Variants in CMTM7 observed in about 807,000 individuals in gnomAD.
CMTM7 encodes the protein CKLF like MARVEL transmembrane domain containing 7.
CMTM7 carries 7 observed loss-of-function variants against 19.3 expected under a neutral mutation model. That is an observed-to-expected ratio of 0.36 (90% CI 0.21 to 0.68). The LOEUF is 0.68. Ranked by LOEUF, CMTM7 falls within the 30% of genes least tolerant of loss-of-function variation. The probability of loss-of-function intolerance (pLI) is 0.60; values close to 1 mark genes in which losing one functional copy is unlikely to be tolerated. For synonymous variants in CMTM7, 87 were observed against 99.3 expected (o/e 0.88, Z 0.74); for missense variants, 193 against 232.6 (o/e 0.83, Z 1.11).
chr3:32,415,352 G>T (rs1696244813), intron 1 of CMTM7, among the ~76,000 whole-genome samples: 1 of 152,130 alleles, frequency 6.6e-6, no homozygotes, highest in African/African-American at 2.4e-5. Context: ...AACTTCCCTT[G>T]CCTTGTGTCA....
intron 2 of CMTM7, among the ~76,000 whole-genome samples, chr3:32,445,751 A>G (rs1334184238): frequency 1.3e-5 from 2 of 152,012 alleles, no homozygotes; most frequent in African/African-American, 4.8e-5. Flanking sequence ...CTTGGGCTCA[A>G]GTGATCCTCC....
At chr3:32,410,054 A>G (rs893961544) in intron 1 of CMTM7, among the ~76,000 whole-genome samples, 2 of 152,180 alleles carry the variant, frequency 1.3e-5, no homozygotes, top group African/African-American at 4.8e-5. Flanking sequence ...AAACAAACCC[A>G]GGTCTAGGGT....
chr3:32,444,156 A>G (rs943514097), intron 2 of CMTM7, among the ~76,000 whole-genome samples: 4 of 152,104 alleles, frequency 2.6e-5, no homozygotes, highest in Non-Finnish European at 4.4e-5. Flanking sequence ...ATTTACTTCT[A>G]TGTTTTCTTC....
chr3:32,435,662 C>T (rs993043391), intron 1 of CMTM7, among the ~76,000 whole-genome samples: 4 of 152,086 alleles, frequency 2.6e-5, no homozygotes, highest in African/African-American at 9.7e-5. Context: ...GTGATAAGAC[C>T]ACCTATAGGA....
intron 1 of CMTM7, among the ~76,000 whole-genome samples, chr3:32,405,234 GATAA>G (rs1696072770): frequency 6.6e-6 from 1 of 152,240 alleles, no homozygotes; most frequent in East Asian, 1.9e-4. Flanking sequence ...ACTGTGAGAA[GATAA>G]ATGAATGTTG....
At chr3:32,447,380 A>G (rs1170955095) in intron 2 of CMTM7, among the ~76,000 whole-genome samples, 2 of 152,170 alleles carry the variant, frequency 1.3e-5, no homozygotes, top group African/African-American at 2.4e-5. Context: ...ACTTTTATAC[A>G]TTGTATATTT....
At chr3:32,444,499 C>T (rs982348052) in intron 2 of CMTM7, among the ~76,000 whole-genome samples, 2 of 152,190 alleles carry the variant, frequency 1.3e-5, no homozygotes, top group Non-Finnish European at 2.9e-5. Flanking sequence ...TATGCAGCCT[C>T]CCAATTATTC....
chr3:32,398,252 G>A (rs540364489), intron 1 of CMTM7, among the ~76,000 whole-genome samples: 1 of 152,326 alleles, frequency 6.6e-6, no homozygotes, highest in African/African-American at 2.4e-5. Context: ...GCTATTAACA[G>A]GATAGACTCT....
intron 1 of CMTM7, among the ~76,000 whole-genome samples, chr3:32,440,440 G>A (rs1200778503): frequency 1.3e-5 from 2 of 152,008 alleles, no homozygotes; most frequent in African/African-American, 2.4e-5. Flanking sequence ...TAGGAGAGAG[G>A]CAGTGTATAA....
In CMTM7 at chr3:32,454,364, G is replaced by A; in HGVS notation, c.*110G>A. ...GTGCCAAAGTCCTGTCAGGCTGGTG[G>A]GCACCAGGAAAGGCCTGCACCCTCT... On this transcript the variant is annotated 3_prime_UTR_variant, in exon 5 of 5. Transcript: ENST00000334983. The A allele has an allele frequency of 7.2e-7, 1 of 1,390,530 alleles. No homozygotes were observed. The highest frequency in any genetic ancestry group is 1.4e-5 in the African/African-American group (1 of 70,472). 86.1% of individuals were successfully genotyped at this position (1,390,530 alleles called of 1,614,324 possible). A position where few individuals can be genotyped will look rare whatever the true frequency, so the allele number is the denominator to read the frequency against.
Position 32,436,248 on chromosome 3 carries a change from T to C in CMTM7, c.160-5592T>C, listed in dbSNP as rs112956581. On this transcript the variant is annotated intron_variant, in intron 1 of 4. Transcript: ENST00000334983. ...GGAGCAAGATTCTGATGTTGGTGAGTGAGACAGGACCTAGAGGAAGCCATG... is the reference window on the plus strand; with the variant it reads ...GGAGCAAGATTCTGATGTTGGTGAGCGAGACAGGACCTAGAGGAAGCCATG... Among the ~76,000 whole-genome samples, 907 of 152,216 alleles carry C rather than the reference T, an allele frequency of 6.0e-3. 5 individuals carry two copies. The highest frequency in any genetic ancestry group is 0.021 in the African/African-American group (865 of 41,520).
chr3:32,422,221 C>T (rs931720936), intron 1 of CMTM7, among the ~76,000 whole-genome samples: 2 of 152,022 alleles, frequency 1.3e-5, no homozygotes, highest in East Asian at 1.9e-4. Context: ...CTTGTTTTGT[C>T]GTTTTTTATC....
At chr3:32,440,516 G>A (rs1030714893) in intron 1 of CMTM7, among the ~76,000 whole-genome samples, 2 of 152,130 alleles carry the variant, frequency 1.3e-5, no homozygotes, top group Non-Finnish European at 2.9e-5. Flanking sequence ...AATGGCTTAC[G>A]TCCATAATCC....
At chr3:32,404,155 TTTTTTTC>T (rs1348799197) in intron 1 of CMTM7, among the ~76,000 whole-genome samples, 15 of 70,536 alleles carry the variant, frequency 2.1e-4, no homozygotes, top group African/African-American at 4.4e-4. Flanking sequence ...TTTTTTTCTT[TTTTTTTC>T]TTTTTTTTTT....
chr3:32,424,846 G>C (rs746717235), intron 1 of CMTM7, among the ~76,000 whole-genome samples: 2 of 152,056 alleles, frequency 1.3e-5, no homozygotes, highest in Admixed American at 1.3e-4. Context: ...GGGTTTTGCC[G>C]TGTTGCCCAG....
intron 1 of CMTM7, among the ~76,000 whole-genome samples, chr3:32,410,690 C>T (rs557444056): frequency 2.6e-5 from 4 of 151,830 alleles, no homozygotes; most frequent in Admixed American, 2.0e-4. Flanking sequence ...CCCACTCCCA[C>T]CCCCCACAGT....
At chr3:32,438,095 G>A (rs17029505) in intron 1 of CMTM7, among the ~76,000 whole-genome samples, 6,893 of 152,172 alleles carry the variant, frequency 0.045, 245 homozygotes, top group East Asian at 0.19. Context: ...GCTTCACTCC[G>A]TCCTGAAGTC....
At chr3:32,444,900 G>A (rs1326565708) in intron 2 of CMTM7, among the ~76,000 whole-genome samples, 1 of 152,164 alleles carries the variant, frequency 6.6e-6, no homozygotes, top group African/African-American at 2.4e-5. Context: ...ACAGGCATGA[G>A]CCACTGTGCC....
At chr3:32,407,951 A>G (rs1042274314) in intron 1 of CMTM7, among the ~76,000 whole-genome samples, 5 of 152,220 alleles carry the variant, frequency 3.3e-5, no homozygotes, top group African/African-American at 1.2e-4. Flanking sequence ...GAACCTGAGA[A>G]TGTTCCCTTA....
Sources: gnomAD v4.1 joint callset for allele counts (sites outside exome capture counted in the v4.1 genomes callset) on GRCh38, gnomAD v4.1.1 for gene constraint, MANE v1.5 for transcripts, NCBI Gene and HGNC (gene_info 2026-07-23, HGNC 2026-07-21) for gene names.